ARHGAP28: variants seen among roughly 807,000 people sequenced by gnomAD.
ARHGAP28 encodes rho GTPase-activating protein 28.
In ARHGAP28, 56 loss-of-function variants were observed where a neutral mutation model predicts 90.7. The observed-to-expected ratio is 0.62, with a 90% confidence interval of 0.50 to 0.77. The LOEUF is 0.77. Among genes scored for constraint, ARHGAP28 ranks in the 30% least tolerant of loss-of-function variants. ARHGAP28 has a pLI of 0.00. For missense variants in ARHGAP28, 869 were observed against 900.9 expected, an observed-to-expected ratio of 0.96 and a Z score of 0.45; for synonymous variants, 308 against 323.3, an observed-to-expected ratio of 0.95 and a Z score of 0.51.
Position 6,729,723 on chromosome 18 carries a change from G to C in ARHGAP28, c.-99G>C, listed in dbSNP as rs1023679083. 74 of 1,233,302 alleles carry C rather than the reference G, an allele frequency of 6.0e-5. No individual in the cohort carries two copies. The highest frequency in any genetic ancestry group is 6.0e-4 in the African/African-American group (38 of 63,644). The allele number at this position is 1,233,302 out of a possible 1,614,324, so 76.4% of individuals were successfully genotyped here. On this transcript the variant is annotated 5_prime_UTR_variant, in exon 1 of 18. Transcript: ENST00000383472. ...GGGAGAGAGCGGCTGGTCGCACCTC[G>C]GGCCGCGCCGCCCAGCTGCTGACAG...
At chr18:6,738,319 ATACTT>A (rs1485279539) in intron 1 of ARHGAP28, among the ~76,000 whole-genome samples, 1 of 151,924 alleles carries the variant, frequency 6.6e-6, no homozygotes, top group Non-Finnish European at 1.5e-5. Context: ...ATATACATTT[ATACTT>A]TACTTATAAT....
At chr18:6,910,991 CCCAT>C (rs2057395116) in intron 17 of ARHGAP28, among the ~76,000 whole-genome samples, 3 of 151,902 alleles carry the variant, frequency 2.0e-5, no homozygotes, top group Non-Finnish European at 4.4e-5. Context: ...ATTACAGGCG[CCCAT>C]CACCACGCCC....
chr18:6,871,572 T>C (rs1600270015), intron 7 of ARHGAP28, among the ~76,000 whole-genome samples: 1 of 152,344 alleles, frequency 6.6e-6, no homozygotes, highest in East Asian at 1.9e-4. Flanking sequence ...CAGAATGTTA[T>C]ATCCAGGAGG....
At chr18:6,777,245 T>C (rs1249814544) in intron 1 of ARHGAP28, among the ~76,000 whole-genome samples, 1 of 152,172 alleles carries the variant, frequency 6.6e-6, no homozygotes, top group African/African-American at 2.4e-5. Context: ...GATTTGTGAA[T>C]CTATCTAATA....
At chr18:6,872,516 A>T (rs1325156437) in intron 7 of ARHGAP28, among the ~76,000 whole-genome samples, 2 of 152,206 alleles carry the variant, frequency 1.3e-5, no homozygotes, top group Non-Finnish European at 2.9e-5. Flanking sequence ...GAAAATGTGA[A>T]CTTAAAGCTT....
At chr18:6,787,738 C>G (rs1177811581) in intron 1 of ARHGAP28, among the ~76,000 whole-genome samples, 4 of 152,108 alleles carry the variant, frequency 2.6e-5, no homozygotes, top group African/African-American at 9.7e-5. Flanking sequence ...ACAGTTTTAA[C>G]CAATGTTATC....
intron 1 of ARHGAP28, chr18:6,791,610 A>G (rs2056406869): frequency 6.6e-6 from 1 of 152,186 alleles, no homozygotes; most frequent in South Asian, 2.1e-4. Flanking sequence ...CTACAAATGG[A>G]GAGGGGTCTA....
intron 1 of ARHGAP28, 191 bp downstream of exon 1, chr18:6,730,134 C>T: frequency 2.0e-6 from 1 of 511,456 alleles, no homozygotes; most frequent in Non-Finnish European, 3.0e-6. Flanking sequence ...CTCGAAGGCT[C>T]CACCAGCCTG....
Position 6,803,026 on chromosome 18 carries a change from A to T in ARHGAP28, c.123-21736A>T, listed in dbSNP as rs148675840. On this transcript the variant is annotated intron_variant, in intron 1 of 17. Coordinates refer to ENST00000383472, the MANE Select transcript of ARHGAP28 (RefSeq NM_001366230.1). ...ATTTTCTAAATATAAATTTTTTATG[A>T]TATCTACATATAGCTAGTTTATTTA... 8.4e-3 allele frequency among the ~76,000 whole-genome samples: 1,273 copies of T among 152,210 alleles called. 9 individuals carry two copies. Among genetic ancestry groups the T allele is most frequent in the Admixed American group, 0.015 (237 of 15,302 alleles).
intron 1 of ARHGAP28, among the ~76,000 whole-genome samples, chr18:6,760,065 T>C (rs2143323480): frequency 6.6e-6 from 1 of 152,322 alleles, no homozygotes; most frequent in Non-Finnish European, 1.5e-5. Flanking sequence ...GTGAATCTTC[T>C]CTGTCATGGA....
chr18:6,864,038 GC>G (rs1335993737), intron 5 of ARHGAP28, among the ~76,000 whole-genome samples: 2 of 151,484 alleles, frequency 1.3e-5, no homozygotes, highest in African/African-American at 4.9e-5. Flanking sequence ...GAGCCACCAC[GC>G]CTGGCTTGTT....
rs1223923764 is a variant in ARHGAP28 at position 6,915,652 on chromosome 18, C to T, written c.*3498C>T. 6.6e-6 allele frequency: 1 copy of T among 152,098 alleles called. No individual in the cohort carries two copies. Among genetic ancestry groups the T allele is most frequent in the Non-Finnish European group, 1.5e-5 (1 of 68,026 alleles). 9.4% of individuals were successfully genotyped at this position (152,098 alleles called of 1,614,324 possible). A position where few individuals can be genotyped will look rare whatever the true frequency, so the allele number is the denominator to read the frequency against. On this transcript the variant is annotated 3_prime_UTR_variant, in exon 18 of 18. Coordinates refer to ENST00000383472, the MANE Select transcript of ARHGAP28 (RefSeq NM_001366230.1). ...TTGATTCTTCTGTTCCATCAGCTTT[C>T]ATTGTTAAGTAGAATATGTATGTTG...
At chr18:6,859,671 A>T in intron 4 of ARHGAP28, 137 bp from the exon 5 acceptor site, 1 of 830,386 alleles carries the variant, frequency 1.2e-6, no homozygotes, top group South Asian at 1.7e-5. Context: ...TACCAGTTGG[A>T]TGCAATTGTC....
chr18:6,850,179 T>C (rs2056898569), intron 3 of ARHGAP28, among the ~76,000 whole-genome samples: 1 of 152,210 alleles, frequency 6.6e-6, no homozygotes, highest in Non-Finnish European at 1.5e-5. Flanking sequence ...TTTATTGTTA[T>C]ACTTAGTTCC....
intron 1 of ARHGAP28, among the ~76,000 whole-genome samples, chr18:6,808,707 G>A (rs1409572724): frequency 6.6e-6 from 1 of 152,116 alleles, no homozygotes; most frequent in Non-Finnish European, 1.5e-5. Flanking sequence ...TCTTTACTCT[G>A]GCAAGTGTGA....
intron 1 of ARHGAP28, among the ~76,000 whole-genome samples, chr18:6,769,403 T>C (rs938640592): frequency 2.0e-5 from 3 of 152,370 alleles, no homozygotes; most frequent in Admixed American, 6.5e-5. Flanking sequence ...GTGAATTTTC[T>C]TTCTCCTTTG....
intron 1 of ARHGAP28, among the ~76,000 whole-genome samples, chr18:6,798,118 C>T (rs771102006): frequency 6.4e-4 from 97 of 152,192 alleles, no homozygotes; most frequent in Non-Finnish European, 1.1e-3. Flanking sequence ...TAGTGTGGAA[C>T]AATTGGAGAT....
At chr18:6,793,432 C>T (rs1315498723) in intron 1 of ARHGAP28, among the ~76,000 whole-genome samples, 6 of 152,136 alleles carry the variant, frequency 3.9e-5, no homozygotes, top group Non-Finnish European at 8.8e-5. Flanking sequence ...TGCATTCTGT[C>T]TTCCTACAGC....
At chr18:6,864,966 A>G (rs1283895377) in intron 5 of ARHGAP28, among the ~76,000 whole-genome samples, 2 of 152,210 alleles carry the variant, frequency 1.3e-5, no homozygotes. Flanking sequence ...GCGATTTCCC[A>G]TATCCCCCCA....
Sources: allele counts gnomAD v4.1 joint callset (sites outside exome capture counted in the v4.1 genomes callset), GRCh38; gene constraint gnomAD v4.1.1; transcripts MANE v1.5; gene names NCBI Gene and HGNC (gene_info 2026-07-23, HGNC 2026-07-21).